Variants in KALRN observed in about 807,000 individuals in gnomAD.
KALRN encodes the protein kalirin.
A neutral mutation model predicts 353.7 loss-of-function variants in KALRN; 70 were observed. The observed-to-expected ratio is 0.20, with a 90% CI of 0.16 to 0.24. The LOEUF (loss-of-function observed/expected upper bound fraction) is 0.24, where lower values mean the gene tolerates loss of function less well. Ranked by LOEUF, KALRN falls within the 10% of genes least tolerant of loss-of-function variation. The pLI is 1.00. For synonymous variants in KALRN, 1,391 were observed against 1,434.8 expected, an observed-to-expected ratio of 0.97 and a Z score of 0.69; for missense variants, 2,791 against 3,756.7, an observed-to-expected ratio of 0.74 and a Z score of 6.72.
intron 52 of KALRN, 102 bp from the exon 53 acceptor site, chr3:124,694,230 A>T: frequency 8.8e-7 from 1 of 1,130,570 alleles, no homozygotes; most frequent in Non-Finnish European, 1.3e-6. Context: ...TTGAATCATT[A>T]CATGACATGG....
chr3:124,068,096 C>A (rs919020045), intron 1 of KALRN, among the ~76,000 whole-genome samples: 14 of 152,194 alleles, frequency 9.2e-5, no homozygotes, highest in Admixed American at 7.9e-4. Context: ...CCTCCTTTAA[C>A]CCTGAGTGGC....
rs972072523 is a variant in KALRN, at chr3:124,611,963, G to C, written c.5183-20457G>C. ...CTTAAATGTCACTTCTCAGAGAACT[G>C]TCACCAGCTACTCATTCTGAAGAAG... On this transcript the variant is annotated intron_variant, in intron 34 of 59. Coordinates refer to ENST00000682506, the MANE Select transcript of KALRN (RefSeq NM_001388419.1). Among the ~76,000 whole-genome samples the C allele has an allele frequency of 1.3e-4, 20 of 152,172 alleles. 1 individual carries two copies. The highest frequency in any genetic ancestry group is 6.5e-5 in the Admixed American group (1 of 15,272).
chr3:124,198,043 A>G (rs1057351318), intron 1 of KALRN, among the ~76,000 whole-genome samples: 2 of 152,222 alleles, frequency 1.3e-5, no homozygotes, highest in African/African-American at 4.8e-5. Context: ...ACATTTATAC[A>G]GACCCAGAGA....
intron 3 of KALRN, among the ~76,000 whole-genome samples, chr3:124,250,492 C>T (rs1189211071): frequency 6.6e-6 from 1 of 152,208 alleles, no homozygotes; most frequent in Non-Finnish European, 1.5e-5. Flanking sequence ...CTTGAGTCCC[C>T]TCAGCTCTCT....
At chr3:124,605,304 C>T (rs1242003522) in intron 34 of KALRN, among the ~76,000 whole-genome samples, 9 of 151,812 alleles carry the variant, frequency 5.9e-5, no homozygotes, top group Admixed American at 5.9e-4. Context: ...GATGCAGTGG[C>T]TCATGCCTGT....
At chr3:124,348,544 C>T (rs2082507376) in intron 10 of KALRN, among the ~76,000 whole-genome samples, 1 of 152,144 alleles carries the variant, frequency 6.6e-6, no homozygotes, top group Non-Finnish European at 1.5e-5. Context: ...TTGGACCCAA[C>T]CTGTGGGATA....
chr3:124,509,651 T>A (rs371447135), intron 33 of KALRN, among the ~76,000 whole-genome samples: 133 of 152,352 alleles, frequency 8.7e-4, no homozygotes, highest in African/African-American at 3.0e-3. Context: ...TTGACTTTTT[T>A]AAATTAATGT....
At chr3:124,405,577 A>G (rs1210835923) in intron 13 of KALRN, among the ~76,000 whole-genome samples, 3 of 151,942 alleles carry the variant, frequency 2.0e-5, no homozygotes, top group Non-Finnish European at 4.4e-5. Context: ...ATAAAAAGGA[A>G]TGACCAAGAT....
chr3:124,280,484 C>CT (rs923385173), intron 5 of KALRN, among the ~76,000 whole-genome samples: 3 of 152,204 alleles, frequency 2.0e-5, no homozygotes, highest in African/African-American at 7.2e-5. Context: ...TCTGTGAGTT[C>CT]TTTCAGCCTA....
chr3:124,707,275 C>A (rs778850226), intron 57 of KALRN, among the ~76,000 whole-genome samples: 3 of 151,952 alleles, frequency 2.0e-5, no homozygotes, highest in African/African-American at 7.2e-5. Flanking sequence ...CCTGGGAGGT[C>A]GAGATCGCAC....
intron 10 of KALRN, among the ~76,000 whole-genome samples, chr3:124,373,692 T>C (rs576552374): frequency 6.6e-6 from 1 of 152,248 alleles, no homozygotes; most frequent in Admixed American, 6.5e-5. Flanking sequence ...TGTCTGTATC[T>C]TCATTTGGAC....
At chr3:124,642,255 G>A (rs1376508461) in intron 37 of KALRN, among the ~76,000 whole-genome samples, 6 of 151,928 alleles carry the variant, frequency 3.9e-5, no homozygotes, top group Admixed American at 3.9e-4. Context: ...CTGCACTCCA[G>A]CCTGGGGTGA....
chr3:124,383,754 C>G (rs750480412), intron 10 of KALRN, among the ~76,000 whole-genome samples: 17 of 152,146 alleles, frequency 1.1e-4, no homozygotes, highest in Non-Finnish European at 1.6e-4. Context: ...GTGGGGGGCA[C>G]AGTTCAGTCC....
chr3:124,435,062 T>C (rs369750293), intron 17 of KALRN, among the ~76,000 whole-genome samples: 16 of 152,326 alleles, frequency 1.1e-4, no homozygotes, highest in South Asian at 4.1e-4. Context: ...AAATCTACCA[T>C]ACAAGTGCAT....
intron 13 of KALRN, among the ~76,000 whole-genome samples, chr3:124,409,447 C>G (rs549328424): frequency 2.0e-5 from 3 of 152,306 alleles, no homozygotes; most frequent in African/African-American, 4.8e-5. Context: ...ATATTCGGGT[C>G]TAGGTGTTGT....
intron 54 of KALRN, among the ~76,000 whole-genome samples, chr3:124,696,660 C>T (rs2062067689): frequency 6.6e-6 from 1 of 152,176 alleles, no homozygotes; most frequent in African/African-American, 2.4e-5. Flanking sequence ...GGATTGCAGG[C>T]ATGAGCCACT....
Position 124,650,915 on chromosome 3 carries a change from A to G in KALRN, c.5772A>G (p.Lys1924=), listed in dbSNP as rs747270064. 2 of 1,614,212 alleles carry G rather than the reference A, an allele frequency of 1.2e-6. No homozygotes were observed. The highest frequency in any genetic ancestry group is 2.2e-5 in the East Asian group (1 of 44,892). Residue 1924 remains lysine (K), a synonymous_variant, in exon 38 of 60, where the codon AAA becomes AAG. Transcript: ENST00000682506. ...TPPKNPEEEQ[K]AKALRGRMFV... ...CTAAAAACCCAGAAGAAGAACAGAA[A>G]GCCAAGGCCCTGAGAGGCAGGATGT...
Position 124,726,285 on chromosome 3 carries a change from A to T in KALRN, c.*6815A>T, listed in dbSNP as rs1417348342. 1 of 152,184 alleles carries T rather than the reference A, an allele frequency of 6.6e-6. No homozygotes were observed. Among genetic ancestry groups the T allele is most frequent in the Non-Finnish European group, 1.5e-5 (1 of 68,032 alleles). The allele number at this position is 152,184 out of a possible 1,614,324, so 9.4% of individuals were successfully genotyped here. A position where few individuals can be genotyped will look rare whatever the true frequency, so the allele number is the denominator to read the frequency against. On this transcript the variant is annotated 3_prime_UTR_variant, in exon 60 of 60. Transcript: ENST00000682506. ...TGAAACTTCAAAATGTACATCTCAC[A>T]TGTTATGCATTCCTATAAATATACT...
At chr3:124,270,659 ACCCTGGCCTGACCTG>A (rs1489167571) in intron 5 of KALRN, among the ~76,000 whole-genome samples, 1 of 151,968 alleles carries the variant, frequency 6.6e-6, no homozygotes, top group Non-Finnish European at 1.5e-5. Context: ...CCTGGGTCTG[ACCCTGGCCTGACCTG>A]CCCTGAGAAG....
Sources: allele counts gnomAD v4.1 joint callset (sites outside exome capture counted in the v4.1 genomes callset), GRCh38; gene constraint gnomAD v4.1.1; transcripts MANE v1.5; gene names NCBI Gene and HGNC (gene_info 2026-07-23, HGNC 2026-07-21).